TMEFF2: variants seen among roughly 807,000 people sequenced by gnomAD.
TMEFF2 encodes transmembrane protein with EGF like and two follistatin like domains 2.
TMEFF2 carries 28 observed loss-of-function variants against 53.8 expected under a neutral mutation model. The observed-to-expected ratio is 0.52, with a 90% CI of 0.39 to 0.71. TMEFF2 has a LOEUF of 0.71. Among genes scored for constraint, TMEFF2 ranks in the 30% least tolerant of loss-of-function variants. The pLI is 0.00. For missense variants in TMEFF2, 353 were observed against 455.2 expected (o/e 0.78, Z 2.04); for synonymous variants, 162 against 166.3 (o/e 0.97, Z 0.20).
intron 5 of TMEFF2, among the ~76,000 whole-genome samples, chr2:192,050,806 G>C (rs762916512): frequency 7.9e-5 from 12 of 152,116 alleles, no homozygotes; most frequent in Admixed American, 6.5e-5. Flanking sequence ...GATCAAGATA[G>C]GTGAAGAAAT....
At chr2:192,049,073 A>C (rs773134500) in intron 5 of TMEFF2, among the ~76,000 whole-genome samples, 3 of 152,128 alleles carry the variant, frequency 2.0e-5, no homozygotes, top group Non-Finnish European at 4.4e-5. Flanking sequence ...TTCATCCCAA[A>C]CTGCCACTTA....
At chr2:192,075,330 T>TACACAC (rs1489734329) in intron 4 of TMEFF2, among the ~76,000 whole-genome samples, 27 of 100,962 alleles carry the variant, frequency 2.7e-4, no homozygotes, top group Middle Eastern at 4.9e-3. Context: ...TATATATATA[T>TACACAC]ATACATACAT....
chr2:192,184,457 A>G lies in TMEFF2; in HGVS notation c.309T>C (p.Cys103=), dbSNP rs766838604. The change falls in exon 3 of 10, where the codon TGT becomes TGC. Residue 103 remains cysteine, a synonymous_variant. Transcript: ENST00000272771. ...FKCNNDYVPV[C]GSNGESYQNE... Reference sequence around the variant, plus strand: ...TCTGGTAGCTCTCCCCATTGGAGCCACACACAGGCACATAGTCATTGTTGC... The same window carrying G: ...TCTGGTAGCTCTCCCCATTGGAGCCGCACACAGGCACATAGTCATTGTTGC... 4.3e-6 allele frequency: 7 copies of G among 1,613,188 alleles called. No homozygotes were observed. The African/African-American group carries it at 8.0e-5, about 18-fold the overall frequency.
chr2:192,156,669 G>T (rs1202003667), intron 4 of TMEFF2, among the ~76,000 whole-genome samples: 1 of 151,866 alleles, frequency 6.6e-6, no homozygotes, highest in Admixed American at 6.6e-5. Context: ...GGCCATGAGA[G>T]TTCTTAAAAA....
intron 3 of TMEFF2, among the ~76,000 whole-genome samples, chr2:192,183,661 C>T (rs1031933690): frequency 3.3e-5 from 5 of 151,976 alleles, no homozygotes; most frequent in Admixed American, 1.3e-4. Flanking sequence ...TTAAAGCATT[C>T]CCCATTTTAA....
Position 192,046,783 on chromosome 2 carries a change from A to G in TMEFF2, c.536+10896T>C, listed in dbSNP as rs570677699. ...ATCAACATACTTTCTGGGGAAGACA[A>G]TTTTAATTGAAAGTTAAGTTGCATA... On this transcript the variant is annotated intron_variant, in intron 5 of 9. Coordinates refer to ENST00000272771, the MANE Select transcript of TMEFF2 (RefSeq NM_016192.4). Among the ~76,000 whole-genome samples the G allele has an allele frequency of 3.9e-5, 6 of 152,276 alleles. No homozygotes were observed. In the South Asian group the frequency reaches 1.2e-3, roughly 32 times the overall value.
chr2:192,088,379 G>A (rs567648498), intron 4 of TMEFF2, among the ~76,000 whole-genome samples: 31 of 152,128 alleles, frequency 2.0e-4, no homozygotes, highest in Non-Finnish European at 3.7e-4. Flanking sequence ...GGAAATATGC[G>A]GTCGATGGAT....
At chr2:192,136,852 C>T (rs191655871) in intron 4 of TMEFF2, among the ~76,000 whole-genome samples, 12 of 152,314 alleles carry the variant, frequency 7.9e-5, no homozygotes, top group Non-Finnish European at 1.5e-4. Context: ...GAACGTTATA[C>T]TCCAGGGGCC....
intron 5 of TMEFF2, among the ~76,000 whole-genome samples, chr2:192,000,092 T>TA (rs1686320179): frequency 6.6e-6 from 1 of 152,156 alleles, no homozygotes; most frequent in Non-Finnish European, 1.5e-5. Flanking sequence ...CCTATATCTT[T>TA]ACACTTCTCT....
chr2:192,102,327 T>TA (rs553019722), intron 4 of TMEFF2, among the ~76,000 whole-genome samples: 268 of 152,318 alleles, frequency 1.8e-3, no homozygotes, highest in African/African-American at 6.1e-3. Flanking sequence ...ATTCTTCTGT[T>TA]AAAAAACCAT....
At chr2:191,973,294 T>G (rs10200775) in intron 7 of TMEFF2, among the ~76,000 whole-genome samples, 3,936 of 151,210 alleles carry the variant, frequency 0.026, 164 homozygotes, top group African/African-American at 0.091. Context: ...TAAATAATAT[T>G]ATTATTTTAT....
At chr2:192,052,353 A>G (rs1242342754) in intron 5 of TMEFF2, among the ~76,000 whole-genome samples, 1 of 152,216 alleles carries the variant, frequency 6.6e-6, no homozygotes, top group Non-Finnish European at 1.5e-5. Context: ...TAAATCAAGT[A>G]TCAACCCCCG....
chr2:191,981,898 G>A (rs981873915), intron 7 of TMEFF2, among the ~76,000 whole-genome samples: 5 of 152,074 alleles, frequency 3.3e-5, no homozygotes, highest in African/African-American at 1.2e-4. Flanking sequence ...TAGGTCTTAG[G>A]TTGCTTTGTT....
At chr2:191,979,857 G>GATCTATCT (rs535953153) in intron 7 of TMEFF2, among the ~76,000 whole-genome samples, 17 of 150,724 alleles carry the variant, frequency 1.1e-4, no homozygotes, top group African/African-American at 4.1e-4. Context: ...TCTATCTATC[G>GATCTATCT]ATCTATCTAT....
chr2:192,121,288 T>G (rs1019622764), intron 4 of TMEFF2, among the ~76,000 whole-genome samples: 1 of 152,106 alleles, frequency 6.6e-6, no homozygotes, highest in African/African-American at 2.4e-5. Flanking sequence ...AAACTCCAGA[T>G]GAGAGGATAT....
At chr2:192,009,088 G>C (rs144436699) in intron 5 of TMEFF2, among the ~76,000 whole-genome samples, 16 of 152,280 alleles carry the variant, frequency 1.1e-4, no homozygotes, top group African/African-American at 3.6e-4. Context: ...CTTATTGTAA[G>C]AACACTCATG....
intron 5 of TMEFF2, among the ~76,000 whole-genome samples, chr2:192,039,637 T>A (rs1687425097): frequency 6.6e-6 from 1 of 152,206 alleles, no homozygotes; most frequent in Non-Finnish European, 1.5e-5. Context: ...CAACTGTTCA[T>A]AAAGTAGTTT....
chr2:192,141,431 C>T (rs13398612), intron 4 of TMEFF2, among the ~76,000 whole-genome samples: 1,330 of 132,734 alleles, frequency 0.01, 18 homozygotes, highest in African/African-American at 0.036. Context: ...CCAGGCTGGG[C>T]GACAGAGTGA....
rs969306593 is a variant in TMEFF2 at position 192,002,475 on chromosome 2, TA to T, written c.537-3268del. 5.2e-4 allele frequency among the ~76,000 whole-genome samples: 78 copies of T among 151,320 alleles called. 1 individual carries two copies. Among genetic ancestry groups the T allele is most frequent in the East Asian group, 5.8e-4 (3 of 5,174 alleles). On this transcript the variant is annotated intron_variant, in intron 5 of 9. Coordinates refer to ENST00000272771, the MANE Select transcript of TMEFF2 (RefSeq NM_016192.4). ...CTGGAAATTGGAAATCTATGGAGAA[TA>T]TTTTTTTTTTTTTTGTGAATAAGTG...
Sources: gnomAD v4.1 joint callset for allele counts (sites outside exome capture counted in the v4.1 genomes callset) on GRCh38, gnomAD v4.1.1 for gene constraint, MANE v1.5 for transcripts, NCBI Gene and HGNC (gene_info 2026-07-23, HGNC 2026-07-21) for gene names.